The following KAT6A variants were observed in gnomAD, a reference collection of about 807,000 sequenced individuals.
KAT6A encodes the protein lysine acetyltransferase 6A.
KAT6A carries 9 observed loss-of-function variants against 198.4 expected under a neutral mutation model. That is an observed-to-expected ratio of 0.05 (90% CI 0.03 to 0.08). The LOEUF (loss-of-function observed/expected upper bound fraction) is 0.08. Ranked by LOEUF, KAT6A falls within the 10% of genes least tolerant of loss-of-function variation. KAT6A has a pLI of 1.00. For synonymous variants in KAT6A, 890 were observed against 883.0 expected (o/e 1.01, Z -0.14); for missense variants, 2,077 against 2,509.9 (o/e 0.83, Z 3.69).
chr8:42,016,772 T>C (rs1289868949), intron 2 of KAT6A, among the ~76,000 whole-genome samples: 1 of 152,116 alleles, frequency 6.6e-6, no homozygotes, highest in Non-Finnish European at 1.5e-5. Flanking sequence ...AACTTTGTTC[T>C]TAATTAGAAA....
At chr8:42,009,910 A>AC (rs1339784244) in intron 2 of KAT6A, among the ~76,000 whole-genome samples, 2 of 138,902 alleles carry the variant, frequency 1.4e-5, no homozygotes, top group East Asian at 2.0e-4. Context: ...AAAAAAAAAA[A>AC]AAAACAAAAA....
intron 9 of KAT6A, among the ~76,000 whole-genome samples, chr8:41,952,445 G>A (rs1335054539): frequency 2.6e-5 from 4 of 152,132 alleles, no homozygotes; most frequent in Non-Finnish European, 2.9e-5. Flanking sequence ...AGTAGGTTTC[G>A]CAATGAACCT....
chr8:41,957,151 C>A (rs1822962170), intron 8 of KAT6A: 1 of 598,682 alleles, frequency 1.7e-6, no homozygotes, highest in Admixed American at 1.9e-5. Flanking sequence ...TCCAGTACAG[C>A]TGTTTGCACA....
intron 4 of KAT6A, among the ~76,000 whole-genome samples, 179 bp from the exon 5 acceptor site, chr8:41,981,106 T>A (rs1763241335): frequency 6.6e-6 from 1 of 151,796 alleles, no homozygotes. Context: ...GATCATGAGG[T>A]CAGGAGTTCG....
rs192986229 is a variant in KAT6A at position 42,031,755 on chromosome 8, C to T, written c.600+16623G>A. Among the ~76,000 whole-genome samples, 4 of 150,510 alleles carry T rather than the reference C, an allele frequency of 2.7e-5. No individual in the cohort carries two copies. The East Asian group carries it at 7.9e-4, about 30-fold the overall frequency. On this transcript the variant is annotated intron_variant, in intron 2 of 16. Coordinates refer to ENST00000265713, the MANE Select transcript of KAT6A (RefSeq NM_006766.5). The stretch of plus-strand genomic sequence containing the variant: ...AGCAATTCTCCCTGCCTCAGCCTCC[C>T]AAGTAGCTGGGATTACAGACACCCA...
chr8:41,968,022 T>G (rs1256715795), intron 8 of KAT6A, among the ~76,000 whole-genome samples: 2 of 151,978 alleles, frequency 1.3e-5, no homozygotes, highest in South Asian at 2.1e-4. Flanking sequence ...ATAAAAACCC[T>G]AGAAGAAAAC....
At chr8:42,041,150 G>A (rs1827646281) in intron 2 of KAT6A, among the ~76,000 whole-genome samples, 1 of 143,840 alleles carries the variant, frequency 7.0e-6, no homozygotes, top group Non-Finnish European at 1.5e-5. Flanking sequence ...AGCCAAGGTT[G>A]CGCCACTGCA....
In KAT6A at chr8:41,990,878, C is replaced by G. The variant is rs535237319; in HGVS notation, c.601-3315G>C. Among the ~76,000 whole-genome samples, 8 of 151,562 alleles carry G rather than the reference C, an allele frequency of 5.3e-5. No individual in the cohort carries two copies. In the East Asian group the frequency reaches 1.6e-3, roughly 29 times the overall value. Reference sequence around the variant, plus strand: ...GGCATGGTGGCGGGCATCTGTAATCCCAGCTAGTCAGGAGGCTGAGGCAGA... The same window carrying G: ...GGCATGGTGGCGGGCATCTGTAATCGCAGCTAGTCAGGAGGCTGAGGCAGA... On this transcript the variant is annotated intron_variant, in intron 2 of 16. Coordinates refer to ENST00000265713, the MANE Select transcript of KAT6A (RefSeq NM_006766.5).
chr8:41,994,885 G>A (rs914961042), intron 2 of KAT6A, among the ~76,000 whole-genome samples: 2 of 151,674 alleles, frequency 1.3e-5, no homozygotes, highest in African/African-American at 2.4e-5. Flanking sequence ...GTGAAACCCC[G>A]TCTCTATTAA....
At chr8:41,964,308 T>C (rs184796673) in intron 8 of KAT6A, among the ~76,000 whole-genome samples, 2 of 152,294 alleles carry the variant, frequency 1.3e-5, no homozygotes, top group East Asian at 1.9e-4. Context: ...ATGCTGAATA[T>C]AGTATTTTAC....
intron 2 of KAT6A, among the ~76,000 whole-genome samples, chr8:42,037,269 C>T (rs182683455): frequency 1.3e-5 from 2 of 151,950 alleles, no homozygotes; most frequent in Non-Finnish European, 2.9e-5. Flanking sequence ...TAAAGAAAAA[C>T]TGAGTGGCAT....
intron 2 of KAT6A, among the ~76,000 whole-genome samples, chr8:42,008,270 G>A (rs555569765): frequency 6.6e-6 from 1 of 152,092 alleles, no homozygotes; most frequent in Admixed American, 6.6e-5. Flanking sequence ...CCCTCATTAG[G>A]ATAATCCAAA....
In KAT6A at chr8:42,049,023, A is replaced by T. The variant is rs1272698384; in HGVS notation, c.-46T>A. 1 of 1,557,848 alleles carries T rather than the reference A, an allele frequency of 6.4e-7. No homozygotes were observed. Among genetic ancestry groups the T allele is most frequent in the Admixed American group, 1.9e-5 (1 of 52,798 alleles). On this transcript the variant is annotated 5_prime_UTR_variant, in exon 2 of 17. Transcript: ENST00000265713. Reference sequence around the variant, plus strand: ...CATAGAGTCGTTATCCCTTATCCTGATGCTGAGTAAGTTTTACACCATGGA... The same window carrying T: ...CATAGAGTCGTTATCCCTTATCCTGTTGCTGAGTAAGTTTTACACCATGGA...
chr8:41,942,664 T>A lies in KAT6A; in HGVS notation c.2436+129A>T, dbSNP rs955347594. The A allele has an allele frequency of 4.7e-6, 5 of 1,066,190 alleles. No homozygotes were observed. In the African/African-American group the frequency reaches 8.0e-5, roughly 17 times the overall value. The allele number at this position is 1,066,190 out of a possible 1,614,324, so 66.0% of individuals were successfully genotyped here. A position where few individuals can be genotyped will look rare whatever the true frequency, so the allele number is the denominator to read the frequency against. ...CTTCTTGAAATCTCTACCACTGAAA[T>A]AAAACTCTTGACATTCTAATGTGAA... On this transcript the variant is annotated intron_variant, in intron 14 of 16. Coordinates refer to ENST00000265713, the MANE Select transcript of KAT6A (RefSeq NM_006766.5).
intron 2 of KAT6A, among the ~76,000 whole-genome samples, chr8:41,990,628 T>C (rs1824889339): frequency 6.6e-6 from 1 of 152,172 alleles, no homozygotes; most frequent in African/African-American, 2.4e-5. Flanking sequence ...TCAACCTCAT[T>C]AGTCACCAAG....
intron 2 of KAT6A, among the ~76,000 whole-genome samples, chr8:42,003,444 T>A (rs1825594486): frequency 7.2e-6 from 1 of 138,922 alleles, no homozygotes; most frequent in Non-Finnish European, 1.6e-5. Context: ...AATTCAAACC[T>A]CTTTTTTTTT....
rs750969687 is a variant in KAT6A at position 41,981,849 on chromosome 8, C to T, written c.815G>A (p.Gly272Asp). 5.0e-6 allele frequency: 8 copies of T among 1,610,848 alleles called. No homozygotes were observed. Among genetic ancestry groups the T allele is most frequent in the Non-Finnish European group, 5.1e-6 (6 of 1,177,254 alleles). Residue 272 changes from glycine to aspartate, a missense_variant, in exon 4 of 17, where the codon GGC (glycine) becomes GAC (aspartate). Physicochemically the swap from Gly to Asp is moderately conservative, Grantham distance 94. Around this residue, in one of 13 missense-constraint regions of KAT6A, gnomAD observed 89 missense variants for 154.4 expected, o/e 0.58. Transcript: ENST00000265713. ...CKTCSSCRDQ[G>D]KNADNMLFCD... ...GGCAGAGATACTCACCGCATTTTTG[C>T]CTTGATCTCGACAGGAGCTGCATGT...
rs752404298 is a variant in KAT6A, at chr8:42,048,725, G to A, written c.253C>T (p.Pro85Ser). 2.1e-5 allele frequency: 34 copies of A among 1,614,044 alleles called. No homozygotes were observed. In the South Asian group the frequency reaches 3.6e-4, roughly 17 times the overall value. ...DNPGRIALPKPRNHGKLDNKQ... is the reference protein window; with the variant it reads ...DNPGRIALPKSRNHGKLDNKQ... ...TTATCCAATTTTCCATGGTTCCGAGGCTTAGGAAGTGCTATTCGCCCAGGA... is the reference window on the plus strand; with the variant it reads ...TTATCCAATTTTCCATGGTTCCGAGACTTAGGAAGTGCTATTCGCCCAGGA... Residue 85 changes from proline to serine, a missense_variant, in exon 2 of 17, where the codon CCT (proline) becomes TCT (serine). Pro to Ser is a moderately conservative substitution (Grantham distance 74). This residue lies in a region of KAT6A where 185 missense variants were observed against 185.7 expected (regional missense o/e 1.00). Transcript: ENST00000265713.
intron 12 of KAT6A, among the ~76,000 whole-genome samples, chr8:41,944,993 C>A (rs547221571): frequency 6.6e-6 from 1 of 152,144 alleles, no homozygotes; most frequent in South Asian, 2.1e-4. Flanking sequence ...AATCAAAATC[C>A]TTTGTTTGAA....
Sources: gnomAD v4.1 joint callset for allele counts (sites outside exome capture counted in the v4.1 genomes callset) on GRCh38, gnomAD v4.1.1 for gene constraint, gnomAD v4.1.1 regional missense constraint, MANE v1.5 for transcripts, NCBI Gene and HGNC (gene_info 2026-07-23, HGNC 2026-07-21) for gene names.